The following FBN2 variants were observed in gnomAD, a reference collection of about 807,000 sequenced individuals.
FBN2 encodes the protein fibrillin-2.
Under a neutral mutation model 355.6 loss-of-function variants are expected in FBN2, and 105 were observed. The ratio of observed to expected loss-of-function variants is 0.30; its 90% CI spans 0.25 to 0.35. The LOEUF is 0.35. FBN2 is among the 10% of genes least tolerant of loss of function. The pLI, the probability that FBN2 is intolerant of heterozygous loss-of-function variation, is 1.00. For synonymous variants in FBN2, 1,350 were observed against 1,301.2 expected, an observed-to-expected ratio of 1.04 and a Z score of -0.81; for missense variants, 3,280 against 3,758.7, an observed-to-expected ratio of 0.87 and a Z score of 3.33.
Position 128,455,990 on chromosome 5 carries a change from CAAAAAAAAAAAAAA to C in FBN2, c.826+8720_826+8733del, listed in dbSNP as rs70997371. On this transcript the variant is annotated intron_variant, in intron 6 of 64. Transcript: ENST00000262464. ...GAGCTCCTTGGGGGAGGGTTAGCAA[CAAAAAAAAAAAAAA>C]AAAAAAAAAAAAAAAAAAAGCAACT... is the stretch of plus-strand genomic sequence containing the variant. 1.1e-3 allele frequency among the ~76,000 whole-genome samples: 27 copies of C among 25,278 alleles called. 1 individual carries two copies. In the East Asian group the frequency reaches 0.015, roughly 14 times the overall value. 16.6% of individuals were successfully genotyped at this position (25,278 alleles called of 152,430 possible). A position where few individuals can be genotyped will look rare whatever the true frequency, so the allele number is the denominator to read the frequency against.
intron 3 of FBN2, 67 bp from the exon 4 acceptor site, chr5:128,528,034 T>C (rs988055226): frequency 9.2e-6 from 9 of 977,396 alleles, no homozygotes; most frequent in Non-Finnish European, 1.3e-5. Context: ...TGTGAGAGGT[T>C]ATAAAACTAT....
intron 64 of FBN2, 45 bp from the exon 65 acceptor site, chr5:128,259,874 C>A: frequency 6.2e-7 from 1 of 1,606,374 alleles, no homozygotes; most frequent in Non-Finnish European, 8.5e-7. Flanking sequence ...TTCTACAGCA[C>A]AAGCAGAGGA....
chr5:128,535,482 C>T (rs1756821279), intron 2 of FBN2, among the ~76,000 whole-genome samples: 1 of 152,136 alleles, frequency 6.6e-6, no homozygotes, highest in Non-Finnish European at 1.5e-5. Flanking sequence ...AATGAATGTG[C>T]TGTCTATGAT....
In FBN2 at chr5:128,263,301, G is replaced by A. The variant is rs2126795210; in HGVS notation, c.8192+124C>T. Reference sequence around the variant, plus strand: ...TGGTATTTATCTGCATACCCGAAGAGTTCTAATCAATGCTTTTGCGGTTTG... The same window carrying A: ...TGGTATTTATCTGCATACCCGAAGAATTCTAATCAATGCTTTTGCGGTTTG... On this transcript the variant is annotated intron_variant, in intron 63 of 64. Coordinates refer to ENST00000262464, the MANE Select transcript of FBN2 (RefSeq NM_001999.4). 6 of 773,372 alleles carry A rather than the reference G, an allele frequency of 7.8e-6. No individual in the cohort carries two copies. In the East Asian group the frequency reaches 9.9e-5, roughly 13 times the overall value. 47.9% of individuals were successfully genotyped at this position (773,372 alleles called of 1,614,324 possible).
chr5:128,307,334 T>C, intron 41 of FBN2, 131 bp from the exon 42 acceptor site: 1 of 691,246 alleles, frequency 1.4e-6, no homozygotes, highest in South Asian at 1.6e-5. Flanking sequence ...CAATTATATT[T>C]ATTTGATAGC....
intron 62 of FBN2, among the ~76,000 whole-genome samples, chr5:128,270,009 G>A (rs1765228491): frequency 1.3e-5 from 2 of 152,110 alleles, no homozygotes; most frequent in South Asian, 4.1e-4. Flanking sequence ...ATAGACCAAT[G>A]GCACAGAACA....
intron 7 of FBN2, among the ~76,000 whole-genome samples, chr5:128,415,671 G>T (rs1483696498): frequency 6.6e-6 from 1 of 152,096 alleles, no homozygotes; most frequent in Admixed American, 6.5e-5. Context: ...AAACATGAGG[G>T]TGCAGGTGTC....
chr5:128,299,309 A>T (rs1239828618), intron 48 of FBN2, among the ~76,000 whole-genome samples: 2 of 151,818 alleles, frequency 1.3e-5, no homozygotes, highest in Non-Finnish European at 2.9e-5. Flanking sequence ...CTGCCCCCAG[A>T]GGTGGAGCCT....
At chr5:128,337,352 C>T (rs936676790) in intron 27 of FBN2, among the ~76,000 whole-genome samples, 3 of 152,216 alleles carry the variant, frequency 2.0e-5, no homozygotes, top group South Asian at 2.1e-4. Flanking sequence ...TATTTGCTTA[C>T]GGTTTTAAGA....
intron 36 of FBN2, among the ~76,000 whole-genome samples, chr5:128,317,696 CCT>C (rs1178150401): frequency 6.6e-6 from 1 of 152,172 alleles, no homozygotes; most frequent in Non-Finnish European, 1.5e-5. Context: ...CCTCCTCCTC[CCT>C]GTCACCTTCC....
intron 48 of FBN2, among the ~76,000 whole-genome samples, chr5:128,298,917 T>G (rs947636342): frequency 2.6e-5 from 4 of 152,214 alleles, no homozygotes; most frequent in African/African-American, 9.6e-5. Context: ...GGCGCTCTGC[T>G]TTTTAGAGTT....
At chr5:128,268,654 G>A (rs1345654979) in intron 62 of FBN2, among the ~76,000 whole-genome samples, 1 of 152,160 alleles carries the variant, frequency 6.6e-6, no homozygotes, top group East Asian at 1.9e-4. Flanking sequence ...GAATCCAGCA[G>A]CACATCAAAA....
intron 5 of FBN2, 129 bp downstream of exon 5, chr5:128,519,144 T>G (rs989864403): frequency 2.7e-6 from 2 of 748,306 alleles, no homozygotes; most frequent in Non-Finnish European, 4.7e-6. Flanking sequence ...CCATTCAACT[T>G]AGAGACATAA....
chr5:128,345,665 C>T, intron 23 of FBN2, 81 bp from the exon 24 acceptor site: 5 of 1,289,750 alleles, frequency 3.9e-6, no homozygotes, highest in Non-Finnish European at 5.6e-6. Context: ...CTGCTCAGCA[C>T]CAGGCATCAT....
intron 8 of FBN2, among the ~76,000 whole-genome samples, chr5:128,404,558 A>C (rs1752878808): frequency 6.6e-6 from 1 of 152,266 alleles, no homozygotes; most frequent in South Asian, 2.1e-4. Flanking sequence ...CAAGGCCGCT[A>C]TAATCAACAT....
At chr5:128,388,982 G>C (rs1444759468) in intron 11 of FBN2, among the ~76,000 whole-genome samples, 1 of 152,154 alleles carries the variant, frequency 6.6e-6, no homozygotes, top group Non-Finnish European at 1.5e-5. Flanking sequence ...CCAATGAGTT[G>C]TAAGTTTGGT....
chr5:128,455,987 C>CAACAAAAAAAAAAAAAAAAAAAAAA (rs1754375614), intron 6 of FBN2, among the ~76,000 whole-genome samples: 1 of 5,298 alleles, frequency 1.9e-4, no homozygotes. Flanking sequence ...GGAGGGTTAG[C>CAACAAAAAAAAAAAAAAAAAAAAAA]AACAAAAAAA....
intron 23 of FBN2, among the ~76,000 whole-genome samples, chr5:128,346,492 G>A (rs11746746): frequency 0.14 from 21,773 of 152,166 alleles, 2,049 homozygotes; most frequent in Middle Eastern, 0.37. Context: ...TGATGGAAAT[G>A]TACACATAAA....
chr5:128,530,740 C>G (rs1384524520), intron 2 of FBN2, 47 bp from the exon 3 acceptor site: 1 of 1,188,934 alleles, frequency 8.4e-7, no homozygotes, highest in Non-Finnish European at 1.3e-6. Flanking sequence ...ATATAATAAA[C>G]CATAGTTTAC....
Sources: allele counts gnomAD v4.1 joint callset (sites outside exome capture counted in the v4.1 genomes callset), GRCh38; gene constraint gnomAD v4.1.1; transcripts MANE v1.5; gene names NCBI Gene and HGNC (gene_info 2026-07-23, HGNC 2026-07-21).